Variants in SYNE1 observed in about 807,000 individuals in gnomAD.
The protein encoded by SYNE1 is spectrin repeat containing nuclear envelope protein 1.
Under a neutral mutation model 1,111.0 loss-of-function variants are expected in SYNE1, and 616 were observed. That is an observed-to-expected ratio of 0.55 (90% CI 0.52 to 0.59). The LOEUF (loss-of-function observed/expected upper bound fraction) is 0.59, where lower values mean the gene tolerates loss of function less well. SYNE1 is among the 20% of genes least tolerant of loss of function. The pLI, the probability that SYNE1 is intolerant of heterozygous loss-of-function variation, is 0.00. For missense variants in SYNE1, 10,006 were observed against 10,417.0 expected, an observed-to-expected ratio of 0.96 and a Z score of 1.72; for synonymous variants, 3,855 against 3,825.8, an observed-to-expected ratio of 1.01 and a Z score of -0.28.
intron 3 of SYNE1, among the ~76,000 whole-genome samples, chr6:152,562,990 A>C (rs988789710): frequency 6.6e-6 from 1 of 151,956 alleles, no homozygotes; most frequent in East Asian, 1.9e-4. Context: ...TTTAAAGTCT[A>C]CTCCACACAT....
chr6:152,201,407 A>G (rs1234217273), intron 127 of SYNE1, among the ~76,000 whole-genome samples: 1 of 151,196 alleles, frequency 6.6e-6, no homozygotes, highest in African/African-American at 2.4e-5. Context: ...TCCTTGCATA[A>G]TGGTCTAGAG....
intron 127 of SYNE1, among the ~76,000 whole-genome samples, chr6:152,194,482 A>G (rs528627392): frequency 2.0e-5 from 3 of 152,268 alleles, no homozygotes; most frequent in East Asian, 3.9e-4. Flanking sequence ...GCCTTGAGGT[A>G]ATCTTCTTTG....
chr6:152,411,921 C>T (rs189552385), intron 42 of SYNE1, among the ~76,000 whole-genome samples: 82 of 152,280 alleles, frequency 5.4e-4, no homozygotes, highest in African/African-American at 1.9e-3. Flanking sequence ...TAAAGTTAAA[C>T]ATATATTTTG....
intron 130 of SYNE1, among the ~76,000 whole-genome samples, chr6:152,171,369 A>T (rs1274669879): frequency 4.6e-5 from 7 of 152,160 alleles, no homozygotes; most frequent in African/African-American, 1.7e-4. Flanking sequence ...GATTTGAGAA[A>T]CTCAGCAAAT....
chr6:152,552,922 T>C (rs1338091939), intron 3 of SYNE1, among the ~76,000 whole-genome samples: 2 of 152,150 alleles, frequency 1.3e-5, no homozygotes, highest in Non-Finnish European at 2.9e-5. Context: ...AGCTGGTGGA[T>C]GTCACAAATA....
In SYNE1 at chr6:152,283,973, G is replaced by T; in HGVS notation, c.18207+5C>A. 1.2e-6 allele frequency: 2 copies of T among 1,613,270 alleles called. No homozygotes were observed. Among genetic ancestry groups the T allele is most frequent in the East Asian group, 2.2e-5 (1 of 44,882 alleles). The stretch of plus-strand genomic sequence containing the variant: ...TGAGGAGGCCACTTTACAGTTATTG[G>T]TTACCTCCAAAAGCTGCCGTTTCCC... On this transcript the variant is annotated splice_donor_5th_base_variant and intron_variant, in intron 96 of 145. Transcript: ENST00000367255.
chr6:152,452,800 G>A (rs564898372), intron 25 of SYNE1, among the ~76,000 whole-genome samples: 1 of 152,290 alleles, frequency 6.6e-6, no homozygotes, highest in Admixed American at 6.5e-5. Context: ...CATCTCCCAT[G>A]GTTCTTCCAC....
At chr6:152,268,294 G>A (rs2092897121) in intron 99 of SYNE1, 129 bp from the exon 100 acceptor site, 1 of 725,880 alleles carries the variant, frequency 1.4e-6, no homozygotes, top group African/African-American at 1.7e-5. Context: ...ATTGCATAAA[G>A]CATGAGGTTT....
intron 145 of SYNE1, among the ~76,000 whole-genome samples, chr6:152,123,972 A>G (rs2052404437): frequency 6.6e-6 from 1 of 152,248 alleles, no homozygotes. Context: ...AACAGATAGA[A>G]TCCCCTTAGA....
chr6:152,215,008 T>G lies in SYNE1; in HGVS notation c.22244A>C (p.Glu7415Ala). ...SMAPDLDRLN[E>A]LGYRLPLNDK... Reference sequence around the variant, plus strand: ...ATTCAAGGGTAACCTATATCCAAGCTCATTTAGACGGTCTAAATCTGGAGC... The same window carrying G: ...ATTCAAGGGTAACCTATATCCAAGCGCATTTAGACGGTCTAAATCTGGAGC... The change falls in exon 122 of 146, where the codon GAG becomes GCG. Residue 7415 changes from glutamate (E) to alanine (A), a missense_variant. Glu to Ala is a moderately radical substitution (Grantham distance 107). This residue lies in a region of SYNE1 where 2,182 missense variants were observed against 2,287.8 expected (regional missense o/e 0.95). Coordinates refer to ENST00000367255, the MANE Select transcript of SYNE1 (RefSeq NM_182961.4). 1.2e-6 allele frequency: 2 copies of G among 1,614,122 alleles called. No individual in the cohort carries two copies. The highest frequency in any genetic ancestry group is 1.7e-6 in the Non-Finnish European group (2 of 1,179,966).
chr6:152,622,726 T>C (rs1395640266), intron 3 of SYNE1, among the ~76,000 whole-genome samples: 1 of 152,216 alleles, frequency 6.6e-6, no homozygotes, highest in Non-Finnish European at 1.5e-5. Context: ...GCGATGAACA[T>C]ATGAGTGCAT....
At chr6:152,635,455 C>T (rs1011950361) in intron 2 of SYNE1, among the ~76,000 whole-genome samples, 2 of 152,096 alleles carry the variant, frequency 1.3e-5, no homozygotes, top group East Asian at 1.9e-4. Flanking sequence ...CACACTGTTC[C>T]GGTGATATCA....
chr6:152,419,468 C>T, intron 40 of SYNE1, 101 bp downstream of exon 40: 2 of 1,206,588 alleles, frequency 1.7e-6, no homozygotes, highest in South Asian at 1.4e-5. Context: ...GTTAAATTCT[C>T]ACCATTTAAA....
At chr6:152,277,092 G>A (rs550892117) in intron 98 of SYNE1, among the ~76,000 whole-genome samples, 178 of 151,084 alleles carry the variant, frequency 1.2e-3, no homozygotes, top group African/African-American at 4.2e-3. Flanking sequence ...GGGTTTCACC[G>A]TGTTAGCCAG....
chr6:152,556,828 A>G (rs1318151020), intron 3 of SYNE1, among the ~76,000 whole-genome samples: 1 of 152,210 alleles, frequency 6.6e-6, no homozygotes, highest in Non-Finnish European at 1.5e-5. Context: ...TGCTAAGGCC[A>G]GTCTGAAGAC....
At chr6:152,609,491 A>T (rs994698716) in intron 3 of SYNE1, among the ~76,000 whole-genome samples, 3 of 152,172 alleles carry the variant, frequency 2.0e-5, no homozygotes, top group Non-Finnish European at 4.4e-5. Context: ...GGTAGAGCCC[A>T]CACAGGTCAG....
chr6:152,605,581 T>C (rs1385774813), intron 3 of SYNE1, among the ~76,000 whole-genome samples: 1 of 152,166 alleles, frequency 6.6e-6, no homozygotes, highest in African/African-American at 2.4e-5. Flanking sequence ...AAGAAATGCA[T>C]TAGAGCATTT....
In SYNE1 at chr6:152,137,973, C is replaced by A. The variant is rs111234067; in HGVS notation, c.25459-1155G>T. 1.8e-4 allele frequency among the ~76,000 whole-genome samples: 27 copies of A among 152,276 alleles called. 1 individual carries two copies. The highest frequency in any genetic ancestry group is 5.3e-4 in the African/African-American group (22 of 41,542). ...ACCCTAATCTCTCTGAGGTCTCAGA[C>A]CCTGGCCAGCATTTGCTTCATCAAC... On this transcript the variant is annotated intron_variant, in intron 140 of 145. Transcript: ENST00000367255.
At chr6:152,218,770 G>C (rs1005126345) in intron 120 of SYNE1, among the ~76,000 whole-genome samples, 25 of 152,204 alleles carry the variant, frequency 1.6e-4, no homozygotes, top group Non-Finnish European at 3.4e-4. Context: ...CATGGTGGCA[G>C]GCATTGGTTC....
Sources: allele counts gnomAD v4.1 joint callset (sites outside exome capture counted in the v4.1 genomes callset), GRCh38; gene constraint gnomAD v4.1.1; regional missense constraint gnomAD v4.1.1; transcripts MANE v1.5; gene names NCBI Gene and HGNC (gene_info 2026-07-23, HGNC 2026-07-21).